Variants in ENAH observed in about 807,000 individuals in gnomAD.
ENAH encodes the protein ENAH actin regulator.
Under a neutral mutation model 78.7 loss-of-function variants are expected in ENAH, and 23 were observed. That is an observed-to-expected ratio of 0.29 (90% CI 0.21 to 0.41). ENAH has a LOEUF of 0.41. ENAH is among the 10% of genes least tolerant of loss of function. ENAH has a pLI of 1.00. For synonymous variants in ENAH, 226 were observed against 241.0 expected (o/e 0.94, Z 0.58); for missense variants, 544 against 691.0 (o/e 0.79, Z 2.39).
chr1:225,585,414 A>G (rs990803738), intron 1 of ENAH, among the ~76,000 whole-genome samples: 1 of 152,122 alleles, frequency 6.6e-6, no homozygotes, highest in African/African-American at 2.4e-5. Flanking sequence ...GACACTATAC[A>G]TAATAACTGC....
chr1:225,565,721 T>C (rs2096731453), intron 2 of ENAH, among the ~76,000 whole-genome samples: 1 of 152,070 alleles, frequency 6.6e-6, no homozygotes, highest in East Asian at 1.9e-4. Context: ...AAGACAAAGA[T>C]GAGACAGTGC....
At position 225,652,846 on chromosome 1, in the gene ENAH, C is replaced by A; in HGVS notation, c.-156G>T. On this transcript the variant is annotated 5_prime_UTR_variant, in exon 1 of 14. Coordinates refer to ENST00000366843, the MANE Select transcript of ENAH (RefSeq NM_018212.6). ...CGGCCAGGGGGCTACACCATCTCCT[C>A]GCACAAAGCCGAGGCGCCGGCCGGG... 6.1e-6 allele frequency: 3 copies of A among 492,464 alleles called. No individual in the cohort carries two copies. The highest frequency in any genetic ancestry group is 9.6e-6 in the Non-Finnish European group (3 of 311,904). 30.5% of individuals were successfully genotyped at this position (492,464 alleles called of 1,614,324 possible).
intron 3 of ENAH, among the ~76,000 whole-genome samples, chr1:225,542,469 C>G (rs574987171): frequency 6.6e-6 from 1 of 152,294 alleles, no homozygotes; most frequent in African/African-American, 2.4e-5. Context: ...ACAAAGACAG[C>G]TGTCTCCCTT....
At position 225,496,443 on chromosome 1, in the gene ENAH, A is replaced by C. The variant is rs1558697059; in HGVS notation, c.*1332T>G. On this transcript the variant is annotated 3_prime_UTR_variant, in exon 14 of 14. Transcript: ENST00000366843. ...TTCTGTGACCTTAATTGCTGCCATC[A>C]TTGTTATTTCTTGCATTTCAACATA... is the stretch of plus-strand genomic sequence containing the variant. 2 of 152,236 alleles carry C rather than the reference A, an allele frequency of 1.3e-5. No homozygotes were observed. The allele number at this position is 152,236 out of a possible 1,614,324, so 9.4% of individuals were successfully genotyped here.
chr1:225,572,756 T>C (rs1032130083), intron 1 of ENAH, among the ~76,000 whole-genome samples: 1 of 152,196 alleles, frequency 6.6e-6, no homozygotes, highest in African/African-American at 2.4e-5. Flanking sequence ...AAGATTAAAT[T>C]AGTAAATTAC....
At chr1:225,629,365 C>G (rs1259843167) in intron 1 of ENAH, among the ~76,000 whole-genome samples, 3 of 150,892 alleles carry the variant, frequency 2.0e-5, no homozygotes, top group Non-Finnish European at 4.4e-5. Context: ...GCAGGTGGAT[C>G]ATTTGAGGTC....
chr1:225,537,913 A>G (rs985908270), intron 3 of ENAH, among the ~76,000 whole-genome samples: 2 of 152,108 alleles, frequency 1.3e-5, no homozygotes, highest in African/African-American at 4.8e-5. Context: ...GCATGACTGT[A>G]TTTTATTACT....
chr1:225,554,056 C>T (rs1023307757), intron 3 of ENAH, among the ~76,000 whole-genome samples: 10 of 152,140 alleles, frequency 6.6e-5, no homozygotes, highest in African/African-American at 2.4e-4. Flanking sequence ...ATATTCTACA[C>T]TTTCAACAAA....
chr1:225,553,581 A>T (rs1022022641), intron 3 of ENAH, among the ~76,000 whole-genome samples: 1 of 152,144 alleles, frequency 6.6e-6, no homozygotes, highest in Non-Finnish European at 1.5e-5. Flanking sequence ...TAAGAAAAAA[A>T]AAAAAAGAAT....
At chr1:225,592,333 G>A (rs924463376) in intron 1 of ENAH, among the ~76,000 whole-genome samples, 1 of 152,158 alleles carries the variant, frequency 6.6e-6, no homozygotes, top group Non-Finnish European at 1.5e-5. Context: ...CTGATATGTG[G>A]GGAGTGAACG....
At chr1:225,517,019 C>A (rs1332930828) in intron 6 of ENAH, among the ~76,000 whole-genome samples, 177 bp downstream of exon 6, 3 of 150,170 alleles carry the variant, frequency 2.0e-5, no homozygotes, top group South Asian at 2.1e-4. Context: ...ATTAATCCAA[C>A]AGGAAAAACA....
chr1:225,607,580 A>G (rs2096963357), intron 1 of ENAH, among the ~76,000 whole-genome samples: 1 of 151,948 alleles, frequency 6.6e-6, no homozygotes, highest in Admixed American at 6.6e-5. Flanking sequence ...GAAATCCCAG[A>G]TATCATAACC....
intron 5 of ENAH, 99 bp from the exon 6 acceptor site, chr1:225,517,405 G>A: frequency 6.4e-7 from 1 of 1,551,844 alleles, no homozygotes; most frequent in South Asian, 1.2e-5. Flanking sequence ...GTGTGAGAGT[G>A]ATGCGAGGGA....
Position 225,495,050 on chromosome 1 carries a change from C to G in ENAH, c.*2725G>C, listed in dbSNP as rs1305905494. On this transcript the variant is annotated 3_prime_UTR_variant, in exon 14 of 14. Transcript: ENST00000366843. Reference sequence around the variant, plus strand: ...AAACTTTTAAATCATGATGACTATTCTGAAGAGATTTCAGCACCAGCACTA... The same window carrying G: ...AAACTTTTAAATCATGATGACTATTGTGAAGAGATTTCAGCACCAGCACTA... The G allele has an allele frequency of 1.3e-5, 2 of 152,714 alleles. No homozygotes were observed. The highest frequency in any genetic ancestry group is 2.9e-5 in the Non-Finnish European group (2 of 68,008). The allele number at this position is 152,714 out of a possible 1,614,324, so 9.5% of individuals were successfully genotyped here. A position where few individuals can be genotyped will look rare whatever the true frequency, so the allele number is the denominator to read the frequency against.
intron 3 of ENAH, among the ~76,000 whole-genome samples, chr1:225,548,695 C>A (rs1379665570): frequency 6.6e-6 from 1 of 152,308 alleles, no homozygotes; most frequent in Admixed American, 6.5e-5. Context: ...GGAGTGACAA[C>A]AGACATATTA....
In ENAH at chr1:225,488,168, T is replaced by TTTA. The variant is rs1172125638; in HGVS notation, c.*9604_*9606dup. The TTTA allele has an allele frequency of 6.6e-6, 1 of 150,836 alleles. No homozygotes were observed. The highest frequency in any genetic ancestry group is 1.5e-5 in the Non-Finnish European group (1 of 67,650). The allele number at this position is 150,836 out of a possible 1,614,324, so 9.3% of individuals were successfully genotyped here. A position where few individuals can be genotyped will look rare whatever the true frequency, so the allele number is the denominator to read the frequency against. The stretch of plus-strand genomic sequence containing the variant: ...TAGTCAAGGACAAGGTTTTTATTTA[T>TTTA]TTATTTATTTATTATTTATTTATTT... On this transcript the variant is annotated 3_prime_UTR_variant, in exon 14 of 14. Transcript: ENST00000366843.
At chr1:225,505,031 G>C (rs866884146) in intron 11 of ENAH, 2 of 1,612,394 alleles carry the variant, frequency 1.2e-6, no homozygotes, top group Non-Finnish European at 1.7e-6. Flanking sequence ...AAAACAATCT[G>C]ATTTTTCCTT....
chr1:225,638,175 G>A (rs1266674907), intron 1 of ENAH, among the ~76,000 whole-genome samples: 1 of 152,118 alleles, frequency 6.6e-6, no homozygotes, highest in Non-Finnish European at 1.5e-5. Context: ...TGGCTCTGAA[G>A]TCAATGCTGA....
chr1:225,584,913 C>T (rs1037868803), intron 1 of ENAH, among the ~76,000 whole-genome samples: 1 of 152,054 alleles, frequency 6.6e-6, no homozygotes, highest in Admixed American at 6.6e-5. Context: ...CACCTAATCA[C>T]CATCTCTAAA....
Sources: gnomAD v4.1 joint callset for allele counts (sites outside exome capture counted in the v4.1 genomes callset) on GRCh38, gnomAD v4.1.1 for gene constraint, MANE v1.5 for transcripts, NCBI Gene and HGNC (gene_info 2026-07-23, HGNC 2026-07-21) for gene names.